Variants in ZNF541 observed in about 807,000 individuals in gnomAD.
ZNF541 encodes the protein zinc finger protein 541.
A neutral mutation model predicts 123.5 loss-of-function variants in ZNF541; 23 were observed. The ratio of observed to expected loss-of-function variants is 0.19; its 90% confidence interval spans 0.13 to 0.26. The LOEUF (loss-of-function observed/expected upper bound fraction) is 0.26. Among genes scored for constraint, ZNF541 ranks in the 10% least tolerant of loss-of-function variants. The pLI is 1.00. For synonymous variants in ZNF541, 751 were observed against 754.5 expected (o/e 1.00, Z 0.08); for missense variants, 1,612 against 1,789.9 (o/e 0.90, Z 1.79).
intron 2 of ZNF541, among the ~76,000 whole-genome samples, chr19:47,569,099 T>C (rs1266143710): frequency 6.6e-6 from 1 of 152,148 alleles, no homozygotes; most frequent in African/African-American, 2.4e-5. Context: ...GATTTCTGGT[T>C]TCTTTTGAAA....
At chr19:47,539,673 G>A (rs766518608) in intron 8 of ZNF541, 32 bp downstream of exon 8, 29 of 1,379,152 alleles carry the variant, frequency 2.1e-5, no homozygotes, top group Non-Finnish European at 2.7e-5. Flanking sequence ...TGCGGGCAGT[G>A]GCAGGAAGGA....
intron 4 of ZNF541, 66 bp downstream of exon 4, chr19:47,549,179 G>A (rs1364705217): frequency 1.1e-5 from 17 of 1,538,688 alleles, no homozygotes; most frequent in Non-Finnish European, 1.5e-5. Flanking sequence ...ATAGGAAGAA[G>A]ACCCAGGAAC....
At position 47,521,620 on chromosome 19, in the gene ZNF541, TG is replaced by T; in HGVS notation, c.3745del (p.His1249IlefsTer6). On this transcript the variant is annotated frameshift_variant, in exon 16 of 17. Transcript: ENST00000391901. LOFTEE classifies it high-confidence loss of function. The surrounding 1 kb of genome is among the most constrained non-coding windows in gnomAD (Gnocchi z 4.2). ...CTTGGTCTTTAACTTGGGAGTTGGATGGTGGCTGGGTCTCTCCCGAGGGCTG... is the reference window on the plus strand; with the variant it reads ...CTTGGTCTTTAACTTGGGAGTTGGATGTGGCTGGGTCTCTCCCGAGGGCTG... The part of the protein sequence containing the change: ...PCSPRERPSH[H>X]PTPKLKTKSY... 2 of 1,551,746 alleles carry T rather than the reference TG, an allele frequency of 1.3e-6. No individual in the cohort carries two copies. Among genetic ancestry groups the T allele is most frequent in the Non-Finnish European group, 8.7e-7 (1 of 1,146,980 alleles).
chr19:47,521,808 C>T lies in ZNF541; in HGVS notation c.3711+46G>A. On this transcript the variant is annotated intron_variant, in intron 15 of 16. Transcript: ENST00000391901. This position sits in a 1 kb window ranked among gnomAD's most constrained non-coding sequence, Gnocchi z 4.2. ...ACCGTCCAACTCAACGGGTAGCAGGCACTGGGAGGAGAGAAGAGCTCCCGA... is the reference window on the plus strand; with the variant it reads ...ACCGTCCAACTCAACGGGTAGCAGGTACTGGGAGGAGAGAAGAGCTCCCGA... The T allele has an allele frequency of 6.5e-7, 1 of 1,542,050 alleles. No individual in the cohort carries two copies. Among genetic ancestry groups the T allele is most frequent in the Non-Finnish European group, 8.8e-7 (1 of 1,141,226 alleles).
At chr19:47,533,081 T>C (rs2122981477) in intron 9 of ZNF541, 109 bp from the exon 10 acceptor site, 1 of 1,067,788 alleles carries the variant, frequency 9.4e-7, no homozygotes, top group East Asian at 2.9e-5. Flanking sequence ...TAAGATCCCA[T>C]GGGTTGGCCG....
chr19:47,549,094 TGGCTGC>T, intron 4 of ZNF541, 145 bp downstream of exon 4: 2 of 1,041,264 alleles, frequency 1.9e-6, no homozygotes, highest in Non-Finnish European at 2.7e-6. Context: ...GGAGTGGCTG[TGGCTGC>T]GGCTGAGCAG....
intron 4 of ZNF541, 97 bp downstream of exon 4, chr19:47,549,148 A>G: frequency 6.7e-7 from 1 of 1,501,364 alleles, no homozygotes; most frequent in Non-Finnish European, 8.9e-7. Flanking sequence ...AGAGGACGAG[A>G]CAGCAGGTTG....
intron 2 of ZNF541, among the ~76,000 whole-genome samples, chr19:47,561,394 C>T (rs778641239): frequency 6.6e-5 from 10 of 151,810 alleles, no homozygotes; most frequent in Non-Finnish European, 4.4e-5. Flanking sequence ...GCTATGATTG[C>T]GCCACTGCAC....
chr19:47,571,678 C>A lies in ZNF541; in HGVS notation c.-99+218G>T, dbSNP rs188606487. Among the ~76,000 whole-genome samples, 5 of 151,808 alleles carry A rather than the reference C, an allele frequency of 3.3e-5. No homozygotes were observed. In the East Asian group the frequency reaches 9.6e-4, roughly 29 times the overall value. On this transcript the variant is annotated intron_variant, in intron 2 of 16. Coordinates refer to ENST00000391901, the MANE Select transcript of ZNF541 (RefSeq NM_001277075.3). ...GAAAAACGTTTTTTGCAATAAACAT[C>A]AATAAAGAAACACACATCAATCTAT...
chr19:47,567,871 A>G (rs2123421626), intron 2 of ZNF541, among the ~76,000 whole-genome samples: 1 of 152,304 alleles, frequency 6.6e-6, no homozygotes, highest in African/African-American at 2.4e-5. Flanking sequence ...CACTATAGAG[A>G]ACACTTCCAA....
Position 47,540,894 on chromosome 19 carries a change from C to A in ZNF541, c.2461G>T (p.Gly821Cys). Residue 821 changes from glycine (G) to cysteine (C), a missense_variant and splice_region_variant, in exon 6 of 17, where the codon GGT becomes TGT. Physicochemically the swap from Gly to Cys is radical, Grantham distance 159. Transcript: ENST00000391901. The part of the protein sequence containing the change: ...PVKEENVAGR[G>C]NQQNGSPTDW... The stretch of plus-strand genomic sequence containing the variant: ...AGGATCGGGGGCTTCTTAACTTACC[C>A]TCTGCCTGCCACATTCTCTTCCTTC... 1 of 1,551,174 alleles carries A rather than the reference C, an allele frequency of 6.4e-7. No individual in the cohort carries two copies.
rs1402469985 is a variant in ZNF541 at position 47,536,140 on chromosome 19, C to T, written c.3094+2002G>A. Reference sequence around the variant, plus strand: ...TGCTATTGTTTGTGGTTTAAGAACGCCTTTAAGCAGTTTTCTGCCCTGGGT... The same window carrying T: ...TGCTATTGTTTGTGGTTTAAGAACGTCTTTAAGCAGTTTTCTGCCCTGGGT... On this transcript the variant is annotated intron_variant, in intron 9 of 16. Coordinates refer to ENST00000391901, the MANE Select transcript of ZNF541 (RefSeq NM_001277075.3). Among the ~76,000 whole-genome samples the T allele has an allele frequency of 2.6e-5, 4 of 152,242 alleles. No homozygotes were observed. In the East Asian group the frequency reaches 7.7e-4, roughly 29 times the overall value.
At chr19:47,570,576 TA>T (rs35955168) in intron 2 of ZNF541, among the ~76,000 whole-genome samples, 43,018 of 58,894 alleles carry the variant, frequency 0.73, 14,951 homozygotes, top group Non-Finnish European at 0.75. Flanking sequence ...GACTCTGTCC[TA>T]AAAAAAAAAA....
Position 47,549,235 on chromosome 19 carries a change from T to TC in ZNF541, c.548+9dup, listed in dbSNP as rs1282710543. ...TGAACAGACGTTTTTCTGACCAGAC[T>TC]CCCACATACAGGTGGTCCTGGCGCT... On this transcript the variant is annotated intron_variant, in intron 4 of 16. Coordinates refer to ENST00000391901, the MANE Select transcript of ZNF541 (RefSeq NM_001277075.3). 1 of 1,551,752 alleles carries TC rather than the reference T, an allele frequency of 6.4e-7. No homozygotes were observed. Among genetic ancestry groups the TC allele is most frequent in the East Asian group, 2.4e-5 (1 of 40,922 alleles).
rs1463278797 is a variant in ZNF541 at position 47,544,596 on chromosome 19, G to C, written c.1933C>G (p.Arg645Gly). Residue 645 changes from arginine to glycine, a missense_variant, in exon 5 of 17, where the codon CGA becomes GGA. By Grantham distance (125) the Arg-to-Gly change is moderately radical. Coordinates refer to ENST00000391901, the MANE Select transcript of ZNF541 (RefSeq NM_001277075.3). The stretch of plus-strand genomic sequence containing the variant: ...ACTTTCAGTCCCCCCTTTGCGTCTC[G>C]TCTCGTGCTGCCGGGGGAGGCCTCT... ...PREASPGSTR[R>G]DAKGGLKVAA... is the part of the protein sequence containing the mutation. The C allele has an allele frequency of 6.4e-7, 1 of 1,551,262 alleles. No homozygotes were observed. The highest frequency in any genetic ancestry group is 1.4e-5 in the African/African-American group (1 of 73,042).
chr19:47,563,465 G>C (rs1485347364), intron 2 of ZNF541, among the ~76,000 whole-genome samples: 2 of 152,170 alleles, frequency 1.3e-5, no homozygotes, highest in Non-Finnish European at 2.9e-5. Flanking sequence ...AGGGAGAGGA[G>C]TGTGGATCTG....
intron 4 of ZNF541, among the ~76,000 whole-genome samples, chr19:47,546,772 A>G (rs2123175993): frequency 6.6e-6 from 1 of 152,292 alleles, no homozygotes; most frequent in South Asian, 2.1e-4. Flanking sequence ...CCCAGGCTGG[A>G]GTGCAATGGC....
At chr19:47,532,020 C>A in intron 11 of ZNF541, 108 bp downstream of exon 11, 1 of 1,417,396 alleles carries the variant, frequency 7.1e-7, no homozygotes, top group Admixed American at 2.3e-5. Context: ...GCCCAGGGGA[C>A]ACTACTTGGA....
chr19:47,536,162 G>C (rs994811915), intron 9 of ZNF541, among the ~76,000 whole-genome samples: 1 of 152,210 alleles, frequency 6.6e-6, no homozygotes, highest in East Asian at 1.9e-4. Flanking sequence ...TTTCTGCCCT[G>C]GGTCGGCCAG....
Sources: gnomAD v4.1 joint callset for allele counts (sites outside exome capture counted in the v4.1 genomes callset) on GRCh38, gnomAD v4.1.1 for gene constraint, Gnocchi (gnomAD v3.1) non-coding constraint, MANE v1.5 for transcripts, NCBI Gene and HGNC (gene_info 2026-07-23, HGNC 2026-07-21) for gene names.